The following DCP2 variants were observed in gnomAD, a reference collection of about 807,000 sequenced individuals.
DCP2 encodes the protein m7GpppN-mRNA hydrolase.
In DCP2, 30 loss-of-function variants were observed where a neutral mutation model predicts 56.1. That is an observed-to-expected ratio of 0.53 (90% CI 0.40 to 0.73). The LOEUF (loss-of-function observed/expected upper bound fraction) is 0.73, where lower values mean the gene tolerates loss of function less well. Ranked by LOEUF, DCP2 falls within the 30% of genes least tolerant of loss-of-function variation. The pLI is 0.00. For synonymous variants in DCP2, 197 were observed against 163.3 expected (o/e 1.21, Z -1.57); for missense variants, 533 against 502.7 (o/e 1.06, Z -0.58).
chr5:112,999,038 T>A (rs1430542449), intron 4 of DCP2, among the ~76,000 whole-genome samples: 1 of 152,230 alleles, frequency 6.6e-6, no homozygotes, highest in Admixed American at 6.5e-5. Flanking sequence ...AATTGACACG[T>A]CTCTTCAGTC....
intron 2 of DCP2, among the ~76,000 whole-genome samples, chr5:112,988,895 CA>C (rs1748437366): frequency 2.0e-5 from 3 of 152,154 alleles, no homozygotes; most frequent in Admixed American, 2.0e-4. Context: ...TTTTGGATAA[CA>C]TTTTGTGTGT....
intron 7 of DCP2, among the ~76,000 whole-genome samples, chr5:113,002,579 G>A (rs953377458): frequency 6.6e-6 from 1 of 152,016 alleles, no homozygotes; most frequent in Non-Finnish European, 1.5e-5. Context: ...TGGAGTACGT[G>A]GCATGATCAC....
chr5:112,992,993 G>A (rs1055343558), intron 4 of DCP2, among the ~76,000 whole-genome samples: 2 of 147,376 alleles, frequency 1.4e-5, no homozygotes, highest in Non-Finnish European at 1.5e-5. Flanking sequence ...GGTCCATTTT[G>A]TATTATCTCT....
chr5:112,989,779 G>C (rs191334420), intron 2 of DCP2, among the ~76,000 whole-genome samples: 112 of 152,282 alleles, frequency 7.4e-4, no homozygotes, highest in Non-Finnish European at 3.4e-4. Context: ...GTGAAATAGT[G>C]TGAACAGTGA....
Position 113,017,352 on chromosome 5 carries a change from CAAGT to C in DCP2, c.*3869_*3872del, listed in dbSNP as rs1034618836. 4 of 152,122 alleles carry C rather than the reference CAAGT, an allele frequency of 2.6e-5. No individual in the cohort carries two copies. The highest frequency in any genetic ancestry group is 4.4e-5 in the Non-Finnish European group (3 of 68,024). The allele number at this position is 152,122 out of a possible 1,614,324, so 9.4% of individuals were successfully genotyped here. ...CTTTACATACCTGTCTGTAGGTAAG[CAAGT>C]GTTAGTAAAAACAATTTTGTCAAAC... is the stretch of plus-strand genomic sequence containing the variant. On this transcript the variant is annotated 3_prime_UTR_variant, in exon 11 of 11. Coordinates refer to ENST00000389063, the MANE Select transcript of DCP2 (RefSeq NM_152624.6).
chr5:112,991,136 G>T (rs1748566964), intron 2 of DCP2, among the ~76,000 whole-genome samples: 1 of 152,106 alleles, frequency 6.6e-6, no homozygotes, highest in South Asian at 2.1e-4. Context: ...CTGAAATCAA[G>T]TGGTAGTATT....
Position 112,976,835 on chromosome 5 carries a change from C to G in DCP2, c.-99C>G. The G allele has an allele frequency of 1.5e-6, 2 of 1,307,694 alleles. No homozygotes were observed. The highest frequency in any genetic ancestry group is 2.2e-6 in the Non-Finnish European group (2 of 900,632). 81.0% of individuals were successfully genotyped at this position (1,307,694 alleles called of 1,614,324 possible). On this transcript the variant is annotated 5_prime_UTR_variant, in exon 1 of 11. Transcript: ENST00000389063. ...GGAGTCGTCTCTGCCGCGGCTTCCT[C>G]GGCTGCCAGCTCTCCGGCGAGCCGG...
At position 113,018,751 on chromosome 5, in the gene DCP2, A is replaced by T. The variant is rs915276046; in HGVS notation, c.*5267A>T. The stretch of plus-strand genomic sequence containing the variant: ...TTCTTGGTGTGACTGGCCAGGAAAA[A>T]GTCCATTGAGTCCTTTTTTTCTCCC... On this transcript the variant is annotated 3_prime_UTR_variant, in exon 11 of 11. Coordinates refer to ENST00000389063, the MANE Select transcript of DCP2 (RefSeq NM_152624.6). 1.3e-5 allele frequency: 2 copies of T among 152,178 alleles called. No individual in the cohort carries two copies. Among genetic ancestry groups the T allele is most frequent in the South Asian group, 4.1e-4 (2 of 4,824 alleles). The allele number at this position is 152,178 out of a possible 1,614,324, so 9.4% of individuals were successfully genotyped here.
intron 4 of DCP2, among the ~76,000 whole-genome samples, chr5:112,994,256 C>T (rs889317672): frequency 7.1e-4 from 105 of 146,864 alleles, no homozygotes; most frequent in African/African-American, 2.3e-3. Context: ...ACTGCAGCCT[C>T]GACCGCCTGG....
In DCP2 at chr5:112,992,117, A is replaced by G. The variant is rs748279944; in HGVS notation, c.206-4A>G. 3.7e-6 allele frequency: 6 copies of G among 1,613,580 alleles called. No individual in the cohort carries two copies. In the Admixed American group the frequency reaches 8.3e-5, roughly 22 times the overall value. On this transcript the variant is annotated splice_region_variant and splice_polypyrimidine_tract_variant and intron_variant, in intron 2 of 10. Transcript: ENST00000389063. Reference sequence around the variant, plus strand: ...GAAAGTAACTTCCTTGACACTATTTATACTCTTCAGTCATTGTCCGTTTTT... The same window carrying G: ...GAAAGTAACTTCCTTGACACTATTTGTACTCTTCAGTCATTGTCCGTTTTT...
rs747696452 is a variant in DCP2 at position 112,976,853 on chromosome 5, C to T, written c.-81C>T. The T allele has an allele frequency of 6.8e-7, 1 of 1,465,824 alleles. No individual in the cohort carries two copies. The highest frequency in any genetic ancestry group is 9.6e-7 in the Non-Finnish European group (1 of 1,045,018). 90.8% of individuals were successfully genotyped at this position (1,465,824 alleles called of 1,614,324 possible). A position where few individuals can be genotyped will look rare whatever the true frequency, so the allele number is the denominator to read the frequency against. On this transcript the variant is annotated 5_prime_UTR_variant, in exon 1 of 11. Coordinates refer to ENST00000389063, the MANE Select transcript of DCP2 (RefSeq NM_152624.6). ...GCTTCCTCGGCTGCCAGCTCTCCGG[C>T]GAGCCGGAGTCCTAGTGCCGTACCG...
chr5:112,982,075 G>A (rs1173508079), intron 1 of DCP2, among the ~76,000 whole-genome samples: 1 of 152,096 alleles, frequency 6.6e-6, no homozygotes, highest in Non-Finnish European at 1.5e-5. Context: ...GCCCCTTCTG[G>A]CTATTCTTGA....
chr5:112,995,650 C>A (rs543936633), intron 4 of DCP2, among the ~76,000 whole-genome samples: 3 of 152,280 alleles, frequency 2.0e-5, no homozygotes, highest in Admixed American at 6.5e-5. Flanking sequence ...TCTAAACATT[C>A]TTTTTGATCT....
In DCP2 at chr5:112,983,830, G is replaced by T. The variant is rs572491312; in HGVS notation, c.54-2005G>T. On this transcript the variant is annotated intron_variant, in intron 1 of 10. Transcript: ENST00000389063. ...TATCAAAATTGCAAGTTGGAATTAAGAACACTTTTGAAGATTCTGAAAGAA... is the reference window on the plus strand; with the variant it reads ...TATCAAAATTGCAAGTTGGAATTAATAACACTTTTGAAGATTCTGAAAGAA... The T allele has an allele frequency of 3.9e-5, 6 of 152,310 alleles. No homozygotes were observed. The South Asian group carries it at 1.2e-3, about 32-fold the overall frequency. 9.4% of individuals were successfully genotyped at this position (152,310 alleles called of 1,614,324 possible).
At chr5:113,002,318 G>A (rs1749217363) in intron 7 of DCP2, among the ~76,000 whole-genome samples, 1 of 151,820 alleles carries the variant, frequency 6.6e-6, no homozygotes, top group Non-Finnish European at 1.5e-5. Flanking sequence ...AGCTTCTCGG[G>A]AGGCTGAGGC....
intron 8 of DCP2, among the ~76,000 whole-genome samples, chr5:113,005,151 G>GTGTGTGGGTGT (rs1749361092): frequency 2.7e-5 from 4 of 149,420 alleles, no homozygotes; most frequent in Admixed American, 2.0e-4. Context: ...TGTGCGTGTG[G>GTGTGTGGGTGT]GTGTGTGTGT....
chr5:112,995,593 T>A lies in DCP2; in HGVS notation c.432+2823T>A, dbSNP rs183588433. On this transcript the variant is annotated intron_variant, in intron 4 of 10. Coordinates refer to ENST00000389063, the MANE Select transcript of DCP2 (RefSeq NM_152624.6). ...AGGCATCCTGAAGAGCCGTAGTCTC[T>A]TAATTTCAGGGAGAATTTTTTCGTT... is the stretch of plus-strand genomic sequence containing the variant. Among the ~76,000 whole-genome samples the A allele has an allele frequency of 2.8e-3, 429 of 152,344 alleles. 6 individuals are homozygous for A. Among genetic ancestry groups the A allele is most frequent in the Non-Finnish European group, 5.3e-4 (36 of 68,020 alleles).
intron 1 of DCP2, among the ~76,000 whole-genome samples, chr5:112,978,747 A>C (rs1747851686): frequency 6.6e-6 from 1 of 151,956 alleles, no homozygotes. Context: ...GACTAGACGC[A>C]CATCAACCAA....
At chr5:112,981,065 C>A (rs906084594) in intron 1 of DCP2, among the ~76,000 whole-genome samples, 2 of 151,988 alleles carry the variant, frequency 1.3e-5, no homozygotes, top group African/African-American at 4.8e-5. Context: ...CACCATTGCC[C>A]AGGCATGATC....
Sources: allele counts gnomAD v4.1 joint callset (sites outside exome capture counted in the v4.1 genomes callset), GRCh38; gene constraint gnomAD v4.1.1; transcripts MANE v1.5; gene names NCBI Gene and HGNC (gene_info 2026-07-23, HGNC 2026-07-21).